The following CASZ1 variants were observed in gnomAD, a reference collection of about 807,000 sequenced individuals.
The protein encoded by CASZ1 is castor zinc finger 1, also known as zinc finger protein castor homolog 1.
In CASZ1, 28 loss-of-function variants were observed where a neutral mutation model predicts 135.2. That is an observed-to-expected ratio of 0.21 (90% CI 0.15 to 0.28). The LOEUF is 0.28. CASZ1 is among the 10% of genes least tolerant of loss of function. The pLI is 1.00. For missense variants in CASZ1, 2,161 were observed against 2,453.3 expected, an observed-to-expected ratio of 0.88 and a Z score of 2.52; for synonymous variants, 1,068 against 1,073.4, an observed-to-expected ratio of 0.99 and a Z score of 0.10.
rs1485937826 is a variant in CASZ1, at chr1:10,755,467, T to C, written c.-77+5234A>G. ...TTCTCTCTTCGTCCACCACACCGCG[T>C]CAACCCTCCCAAATCCACGGGTTGT... On this transcript the variant is annotated intron_variant, in intron 2 of 20. Transcript: ENST00000377022. This position sits in a 1 kb window ranked among gnomAD's most constrained non-coding sequence, Gnocchi z 4.3. 6.6e-6 allele frequency among the ~76,000 whole-genome samples: 1 copy of C among 152,042 alleles called. No individual in the cohort carries two copies. The highest frequency in any genetic ancestry group is 1.5e-5 in the Non-Finnish European group (1 of 67,992).
chr1:10,695,954 C>T (rs1301921080), intron 3 of CASZ1, among the ~76,000 whole-genome samples: 1 of 152,116 alleles, frequency 6.6e-6, no homozygotes, highest in African/African-American at 2.4e-5. Flanking sequence ...TCCCAGCGCT[C>T]CTCTTTCAGG....
At chr1:10,740,967 A>AAAAAAAAAG in intron 2 of CASZ1, among the ~76,000 whole-genome samples, 1 of 133,430 alleles carries the variant, frequency 7.5e-6, no homozygotes, top group East Asian at 2.3e-4. Flanking sequence ...GGACAAAAAA[A>AAAAAAAAAG]AAAAAAAAAA....
At position 10,639,930 on chromosome 1, in the gene CASZ1, A is replaced by C. The variant is rs1642142552; in HGVS notation, c.4292T>G (p.Leu1431Arg). Residue 1431 changes from leucine to arginine, a missense_variant, in exon 21 of 21, where the codon CTG becomes CGG. By Grantham distance (102) the Leu-to-Arg change is moderately radical. Around this residue, in one of 7 missense-constraint regions of CASZ1, gnomAD observed 240 missense variants for 321.4 expected, o/e 0.75. Transcript: ENST00000377022. This position sits in a 1 kb window ranked among gnomAD's most constrained non-coding sequence, Gnocchi z 4.0. ...SRKMLDEGMM[L>R]EGFRRFDLYE... ...AAGGTCGAAGCGCCGGAAGCCCTCC[A>C]GCATCATGCCCTCGTCCAGCATCTT... 6.2e-7 allele frequency: 1 copy of C among 1,612,862 alleles called. No homozygotes were observed. The highest frequency in any genetic ancestry group is 8.5e-7 in the Non-Finnish European group (1 of 1,180,032).
chr1:10,702,928 T>C (rs1639093351), intron 3 of CASZ1, among the ~76,000 whole-genome samples: 1 of 151,014 alleles, frequency 6.6e-6, no homozygotes, highest in Admixed American at 6.6e-5. Flanking sequence ...AAGTAAAGCC[T>C]TCCGAGTAGA....
chr1:10,659,658 T>C (rs751541241), intron 6 of CASZ1, 44 bp downstream of exon 6: 8 of 1,518,672 alleles, frequency 5.3e-6, no homozygotes, highest in African/African-American at 1.4e-5. Context: ...TCCTGTCTAG[T>C]CTGGCTCCTG....
intron 1 of CASZ1, among the ~76,000 whole-genome samples, chr1:10,783,626 G>A (rs867380495): frequency 6.6e-6 from 1 of 151,846 alleles, no homozygotes; most frequent in African/African-American, 2.4e-5. Flanking sequence ...TAATCCCAGC[G>A]CTTTGGGAGG....
At chr1:10,743,951 A>T (rs906632377) in intron 2 of CASZ1, among the ~76,000 whole-genome samples, 2 of 151,982 alleles carry the variant, frequency 1.3e-5, no homozygotes, top group Non-Finnish European at 1.5e-5. Flanking sequence ...GATATAAAAA[A>T]TCCAGCCGCC....
rs1171451862 is a variant in CASZ1 at position 10,792,326 on chromosome 1, CGCCCCCCCCCCCCCGG to C, written c.-234+4222_-234+4237del. The stretch of plus-strand genomic sequence containing the variant: ...CTGTACATGGCTTACCCCTCCCCCC[CGCCCCCCCCCCCCCGG>C]CCCCGCACACAAAGTAAATGGAAAT... On this transcript the variant is annotated intron_variant, in intron 1 of 20. Transcript: ENST00000377022. Among the ~76,000 whole-genome samples, 8 of 21,728 alleles carry C rather than the reference CGCCCCCCCCCCCCCGG, an allele frequency of 3.7e-4. 3 individuals carry two copies. In the East Asian group the frequency reaches 0.027, roughly 73 times the overall value. 14.3% of individuals were successfully genotyped at this position (21,728 alleles called of 152,430 possible).
intron 2 of CASZ1, among the ~76,000 whole-genome samples, chr1:10,743,499 CA>C (rs1284199920): frequency 1.3e-5 from 2 of 151,602 alleles, no homozygotes; most frequent in East Asian, 3.9e-4. Context: ...GACCTGTACT[CA>C]GGGGGATGGG....
At chr1:10,715,994 TCCC>T (rs1639382381) in intron 2 of CASZ1, among the ~76,000 whole-genome samples, 1 of 39,884 alleles carries the variant, frequency 2.5e-5, no homozygotes, top group African/African-American at 1.1e-4. Context: ...CCCAATCCGC[TCCC>T]CACAGCACCC....
chr1:10,640,416 C>T (rs1434376418), intron 20 of CASZ1, among the ~76,000 whole-genome samples: 9 of 152,182 alleles, frequency 5.9e-5, no homozygotes, highest in Middle Eastern at 3.2e-3. Context: ...GAATCTAGGT[C>T]GGCAGAGTGC....
chr1:10,660,553 G>C lies in CASZ1; in HGVS notation c.506-17C>G. The stretch of plus-strand genomic sequence containing the variant: ...AGGCCTCTCCTGCAGAGGAGGATGG[G>C]GGCGCATCACCTCTGGGAGGGAGTG... On this transcript the variant is annotated splice_polypyrimidine_tract_variant and intron_variant, in intron 5 of 20. Transcript: ENST00000377022. 6.2e-7 allele frequency: 1 copy of C among 1,600,556 alleles called. No homozygotes were observed. Among genetic ancestry groups the C allele is most frequent in the Non-Finnish European group, 8.5e-7 (1 of 1,174,920 alleles).
rs1233251015 is a variant in CASZ1 at position 10,717,209 on chromosome 1, C to T, written c.-76-11665G>A. ...TAATGACAGAAAAATCTACGAACGC[C>T]TGCCTATCAGCACTTTCCAAAAAGC... is the stretch of plus-strand genomic sequence containing the variant. On this transcript the variant is annotated intron_variant, in intron 2 of 20. Transcript: ENST00000377022. The surrounding 1 kb of genome is among the most constrained non-coding windows in gnomAD (Gnocchi z 4.6). Among the ~76,000 whole-genome samples the T allele has an allele frequency of 6.6e-6, 1 of 152,130 alleles. No individual in the cohort carries two copies. The highest frequency in any genetic ancestry group is 1.9e-4 in the East Asian group (1 of 5,186).
At chr1:10,710,405 G>A (rs1348184773) in intron 2 of CASZ1, among the ~76,000 whole-genome samples, 11 of 152,156 alleles carry the variant, frequency 7.2e-5, no homozygotes, top group South Asian at 6.2e-4. Flanking sequence ...AGGAAGCAAC[G>A]CCTCCATTTC....
Position 10,726,208 on chromosome 1 carries a change from G to A in CASZ1, c.-76-20664C>T, listed in dbSNP as rs577818329. On this transcript the variant is annotated intron_variant, in intron 2 of 20. Coordinates refer to ENST00000377022, the MANE Select transcript of CASZ1 (RefSeq NM_001079843.3). The surrounding 1 kb of genome is among the most constrained non-coding windows in gnomAD (Gnocchi z 5.7). ...ACCGCGTCCCAGGCAGAGTGAAGTC[G>A]GTTTTATAAACCACCTCATTAAACA... Among the ~76,000 whole-genome samples the A allele has an allele frequency of 1.3e-5, 2 of 151,416 alleles. No homozygotes were observed. Among genetic ancestry groups the A allele is most frequent in the Admixed American group, 6.6e-5 (1 of 15,236 alleles).
At position 10,660,469 on chromosome 1, in the gene CASZ1, A is replaced by G. The variant is rs1335715482; in HGVS notation, c.573T>C (p.Tyr191=). 6.2e-7 allele frequency: 1 copy of G among 1,614,112 alleles called. No homozygotes were observed. The highest frequency in any genetic ancestry group is 8.5e-7 in the Non-Finnish European group (1 of 1,180,012). ...TMTEFLGMFG[Y]DDQNTRDELA... ...GCTCGTCCCGCGTGTTCTGGTCATC[A>G]TAGCCAAACATGCCGAGGAACTCGG... The change falls in exon 6 of 21, where the codon TAT becomes TAC. Residue 191 remains tyrosine (Y), a synonymous_variant. Transcript: ENST00000377022.
At position 10,659,942 on chromosome 1, in the gene CASZ1, G is replaced by A. The variant is rs2100259664; in HGVS notation, c.1100C>T (p.Thr367Ile). ...PDMGGAIAFK[T>I]GKVGRPSKYD... ...CTTGGAAGGGCGCCCCACCTTGCCT[G>A]TCTTGAAGGCGATGGCCCCGCCCAT... Residue 367 changes from threonine to isoleucine, a missense_variant, in exon 6 of 21, where the codon ACA (threonine) becomes ATA (isoleucine). Thr to Ile is a moderately conservative substitution (Grantham distance 89, BLOSUM62 -1). This residue lies in a region of CASZ1 where 590 missense variants were observed against 609.8 expected (regional missense o/e 0.97). Coordinates refer to ENST00000377022, the MANE Select transcript of CASZ1 (RefSeq NM_001079843.3). The A allele has an allele frequency of 6.2e-7, 1 of 1,612,732 alleles. No individual in the cohort carries two copies. The highest frequency in any genetic ancestry group is 8.5e-7 in the Non-Finnish European group (1 of 1,179,956).
rs951744151 is a variant in CASZ1 at position 10,643,439 on chromosome 1, G to C, written c.3869-128C>G. 5.8e-6 allele frequency: 6 copies of C among 1,035,042 alleles called. No homozygotes were observed. The Admixed American group carries it at 1.2e-4, about 21-fold the overall frequency. 64.1% of individuals were successfully genotyped at this position (1,035,042 alleles called of 1,614,324 possible). A position where few individuals can be genotyped will look rare whatever the true frequency, so the allele number is the denominator to read the frequency against. Reference sequence around the variant, plus strand: ...TAAGGCAGATGGTATCTGGGGAAAGGGCGCTGAGCCGAGGTGGCAGTCTTA... The same window carrying C: ...TAAGGCAGATGGTATCTGGGGAAAGCGCGCTGAGCCGAGGTGGCAGTCTTA... On this transcript the variant is annotated intron_variant, in intron 18 of 20. Coordinates refer to ENST00000377022, the MANE Select transcript of CASZ1 (RefSeq NM_001079843.3).
Position 10,650,751 on chromosome 1 carries a change from C to G in CASZ1, c.2821G>C (p.Glu941Gln). The change falls in exon 13 of 21, where the codon GAA becomes CAA. Residue 941 changes from glutamate (E) to glutamine (Q), a missense_variant. Physicochemically the swap from Glu to Gln is conservative, Grantham distance 29. This residue lies in a region of CASZ1 where 406 missense variants were observed against 387.6 expected (regional missense o/e 1.05). Coordinates refer to ENST00000377022, the MANE Select transcript of CASZ1 (RefSeq NM_001079843.3). ...LDLTVKEPSN[E>Q]SNGHAVPANS... ...GCCGGGACTGCGTGGCCATTTGATT[C>G]GTTGCTAGAACACACAAACCAAGGG... The G allele has an allele frequency of 1.2e-6, 2 of 1,614,020 alleles. No homozygotes were observed. The highest frequency in any genetic ancestry group is 2.2e-5 in the South Asian group (2 of 91,082).
Sources: allele counts gnomAD v4.1 joint callset (sites outside exome capture counted in the v4.1 genomes callset), GRCh38; gene constraint gnomAD v4.1.1; regional missense constraint gnomAD v4.1.1; non-coding constraint Gnocchi (gnomAD v3.1); transcripts MANE v1.5; gene names NCBI Gene and HGNC (gene_info 2026-07-23, HGNC 2026-07-21).